The following CFAP54 variants were observed in gnomAD, a reference collection of about 807,000 sequenced individuals.
CFAP54 encodes the protein cilia and flagella associated protein 54.
In CFAP54, 290 loss-of-function variants were observed where a neutral mutation model predicts 370.4. That is an observed-to-expected ratio of 0.78 (90% CI 0.71 to 0.86). The LOEUF is 0.86. Among genes scored for constraint, CFAP54 ranks in the 40% least tolerant of loss-of-function variants. The pLI is 0.00. For missense variants in CFAP54, 3,399 were observed against 3,528.7 expected (o/e 0.96, Z 0.93); for synonymous variants, 1,206 against 1,236.5 (o/e 0.98, Z 0.52).
chr12:96,585,008 G>C (rs1368482720), intron 22 of CFAP54, among the ~76,000 whole-genome samples: 3 of 150,310 alleles, frequency 2.0e-5, no homozygotes, highest in Non-Finnish European at 4.4e-5. Context: ...GGCCCACCCA[G>C]TATAATAAAG....
At chr12:96,609,760 A>G (rs1956335311) in intron 26 of CFAP54, among the ~76,000 whole-genome samples, 1 of 152,210 alleles carries the variant, frequency 6.6e-6, no homozygotes, top group Non-Finnish European at 1.5e-5. Flanking sequence ...TTTTAAAAAT[A>G]CTAGCAATAG....
At chr12:96,626,732 A>G (rs1217994363) in intron 29 of CFAP54, 81 bp from the exon 30 acceptor site, 1 of 767,504 alleles carries the variant, frequency 1.3e-6, no homozygotes, top group East Asian at 3.0e-5. Flanking sequence ...TTGGAACAAA[A>G]TGACTGCTAG....
chr12:96,801,165 G>A (rs1449841144), intron 63 of CFAP54, among the ~76,000 whole-genome samples: 1 of 152,170 alleles, frequency 6.6e-6, no homozygotes, highest in Non-Finnish European at 1.5e-5. Context: ...TGGCAGCAGA[G>A]TTGAAATCCC....
intron 5 of CFAP54, among the ~76,000 whole-genome samples, chr12:96,518,694 TAAAC>T (rs1955268121): frequency 2.0e-5 from 3 of 151,956 alleles, no homozygotes; most frequent in South Asian, 4.1e-4. Context: ...TAAAAACAAA[TAAAC>T]AAACAAAAAA....
At chr12:96,606,483 A>C (rs964884423) in intron 26 of CFAP54, among the ~76,000 whole-genome samples, 1 of 152,262 alleles carries the variant, frequency 6.6e-6, no homozygotes, top group Non-Finnish European at 1.5e-5. Context: ...AACAATTAAA[A>C]TAGTTAACTA....
At chr12:96,724,623 G>A (rs1957806382) in intron 50 of CFAP54, among the ~76,000 whole-genome samples, 1 of 152,024 alleles carries the variant, frequency 6.6e-6, no homozygotes. Context: ...CATTTTGTAG[G>A]TTGCCTGTTC....
chr12:96,719,575 G>A lies in CFAP54; in HGVS notation c.6805-830G>A, dbSNP rs114954947. Among the ~76,000 whole-genome samples the A allele has an allele frequency of 7.2e-3, 1,089 of 152,294 alleles. 11 individuals are homozygous for A. The highest frequency in any genetic ancestry group is 0.025 in the African/African-American group (1,033 of 41,554). ...CAGATTCTGTGTTTGCTAATTTGCA[G>A]ATCTACTGAAATTTATTTGTAGCCT... On this transcript the variant is annotated intron_variant, in intron 49 of 67. Transcript: ENST00000524981.
At chr12:96,538,067 TGAGTGACA>T (rs1955527038) in intron 12 of CFAP54, among the ~76,000 whole-genome samples, 1 of 149,526 alleles carries the variant, frequency 6.7e-6, no homozygotes, top group African/African-American at 2.5e-5. Flanking sequence ...CACTCCAGCC[TGAGTGACA>T]GAGTGAGGCC....
chr12:96,657,240 G>C (rs1168238926), intron 36 of CFAP54, among the ~76,000 whole-genome samples: 1 of 152,172 alleles, frequency 6.6e-6, no homozygotes, highest in African/African-American at 2.4e-5. Context: ...AATGTGTCAG[G>C]AACTCATAGG....
intron 26 of CFAP54, among the ~76,000 whole-genome samples, chr12:96,613,091 C>A (rs7294512): frequency 6.6e-6 from 1 of 152,206 alleles, no homozygotes. Flanking sequence ...ACACATTGCA[C>A]TTATTCCAAA....
At chr12:96,812,511 G>A (rs928209279) in intron 64 of CFAP54, among the ~76,000 whole-genome samples, 2 of 152,034 alleles carry the variant, frequency 1.3e-5, no homozygotes, top group African/African-American at 4.8e-5. Flanking sequence ...TTGCCCTTCT[G>A]ACCTTAGCCT....
chr12:96,603,689 C>A (rs1956268893), intron 26 of CFAP54, among the ~76,000 whole-genome samples: 1 of 152,122 alleles, frequency 6.6e-6, no homozygotes, highest in South Asian at 2.1e-4. Context: ...TGTCTTCTCC[C>A]TTTATTTCAT....
chr12:96,824,143 C>A (rs929940698), intron 65 of CFAP54, among the ~76,000 whole-genome samples: 1 of 152,186 alleles, frequency 6.6e-6, no homozygotes, highest in Non-Finnish European at 1.5e-5. Flanking sequence ...CTAGCTGCAG[C>A]ATGCGTGCAT....
At chr12:96,871,907 A>C (rs1275027845) in intron 67 of CFAP54, among the ~76,000 whole-genome samples, 1 of 152,188 alleles carries the variant, frequency 6.6e-6, no homozygotes, top group Non-Finnish European at 1.5e-5. Context: ...TGGCCTATTC[A>C]TGTTTCGACA....
At position 96,784,849 on chromosome 12, in the gene CFAP54, A is replaced by G. The variant is rs1032343463; in HGVS notation, c.8414A>G (p.Tyr2805Cys). 31 of 1,531,388 alleles carry G rather than the reference A, an allele frequency of 2.0e-5. No individual in the cohort carries two copies. The Admixed American group carries it at 5.2e-4, about 25-fold the overall frequency. 94.9% of individuals were successfully genotyped at this position (1,531,388 alleles called of 1,614,324 possible). The change falls in exon 61 of 68, where the codon TAT becomes TGT. Residue 2805 changes from tyrosine to cysteine, a missense_variant. By Grantham distance (194) the Tyr-to-Cys change is radical. Coordinates refer to ENST00000524981, the MANE Select transcript of CFAP54 (RefSeq NM_001306084.2). ...ACATGGATCCTTCTACTGCGCTACT[A>G]TATTCACCTTCAGAGGATTAATAAT... ...DITWILLLRY[Y>C]IHLQRINNLS...
intron 2 of CFAP54, among the ~76,000 whole-genome samples, chr12:96,503,102 CTCTCCT>C (rs1219634134): frequency 1.4e-5 from 2 of 140,790 alleles, no homozygotes; most frequent in Admixed American, 1.5e-4. Context: ...CTTTCTCTCT[CTCTCCT>C]TCCTTCCTTC....
In CFAP54 at chr12:96,679,762, A is replaced by G; in HGVS notation, c.5716+10A>G. The G allele has an allele frequency of 1.2e-6, 2 of 1,611,046 alleles. No individual in the cohort carries two copies. Among genetic ancestry groups the G allele is most frequent in the African/African-American group, 1.3e-5 (1 of 74,914 alleles). On this transcript the variant is annotated intron_variant, in intron 40 of 67. Coordinates refer to ENST00000524981, the MANE Select transcript of CFAP54 (RefSeq NM_001306084.2). ...CTTGCACAGACACAAGGTAAAATGC[A>G]TGTTCTGTATCTCTGAATCTTTCTT...
chr12:96,570,216 C>T (rs996034648), intron 19 of CFAP54, among the ~76,000 whole-genome samples: 7 of 152,024 alleles, frequency 4.6e-5, no homozygotes, highest in African/African-American at 1.4e-4. Context: ...TCAAGGGGTC[C>T]GCTTTCCTCA....
chr12:96,771,247 C>T (rs1180079834), intron 60 of CFAP54, among the ~76,000 whole-genome samples: 1 of 152,158 alleles, frequency 6.6e-6, no homozygotes, highest in East Asian at 1.9e-4. Context: ...CAGAAACCAG[C>T]TAACTATATA....
Sources: allele counts gnomAD v4.1 joint callset (sites outside exome capture counted in the v4.1 genomes callset), GRCh38; gene constraint gnomAD v4.1.1; transcripts MANE v1.5; gene names NCBI Gene and HGNC (gene_info 2026-07-23, HGNC 2026-07-21).